The following FAM200B variants were observed in gnomAD, a reference collection of about 807,000 sequenced individuals.
FAM200B encodes the protein protein FAM200B.
In FAM200B, 32 loss-of-function variants were observed where a neutral mutation model predicts 33.1. That is an observed-to-expected ratio of 0.97 (90% confidence interval 0.73 to 1.30). The LOEUF (loss-of-function observed/expected upper bound fraction) is 1.30. Ranked by LOEUF, FAM200B falls within the 50% of genes most tolerant of loss-of-function variation. The pLI, the probability that FAM200B is intolerant of heterozygous loss-of-function variation, is 0.00. For synonymous variants in FAM200B, 240 were observed against 264.8 expected (o/e 0.91, Z 0.91); for missense variants, 741 against 754.0 (o/e 0.98, Z 0.20).
At chr4:15,670,276 C>G in the FAM200B span, among the ~76,000 whole-genome samples, 4 of 152,144 alleles carry the variant, frequency 2.6e-5, no homozygotes, top group Non-Finnish European at 5.9e-5. Context: ...TGGGTAAATA[C>G]CTAGGAGTAG....
chr4:15,639,855 A>C, the FAM200B span, among the ~76,000 whole-genome samples: 1 of 152,216 alleles, frequency 6.6e-6, no homozygotes, highest in African/African-American at 2.4e-5. Context: ...AGGTGAAGCT[A>C]TAGTTGAGAA....
upstream of FAM200B, among the ~76,000 whole-genome samples, chr4:15,680,618 G>A (rs1560256876): frequency 6.6e-6 from 1 of 152,114 alleles, no homozygotes; most frequent in Admixed American, 6.5e-5. Context: ...TGAGGTTGCA[G>A]TGAGCCGAGG....
chr4:15,640,736 AG>A, the FAM200B span: 2 of 987,378 alleles, frequency 2.0e-6, no homozygotes, highest in East Asian at 5.4e-5. Context: ...AAAGCAAAAT[AG>A]TATTTTAAGA....
chr4:15,648,955 C>T, the FAM200B span, among the ~76,000 whole-genome samples: 1 of 152,022 alleles, frequency 6.6e-6, no homozygotes, highest in Non-Finnish European at 1.5e-5. Flanking sequence ...TATATCAAAG[C>T]ATTGCATTGT....
At chr4:15,685,110 A>G (rs1022574165) in intron 1 of FAM200B, among the ~76,000 whole-genome samples, 1 of 152,374 alleles carries the variant, frequency 6.6e-6, no homozygotes, top group East Asian at 1.9e-4. Flanking sequence ...GGGCCAAACT[A>G]TACAACTTTG....
the FAM200B span, among the ~76,000 whole-genome samples, chr4:15,653,247 T>C: frequency 2.6e-5 from 4 of 152,240 alleles, no homozygotes; most frequent in African/African-American, 9.6e-5. Context: ...CATGTCAAAT[T>C]GAAAATGCTT....
At chr4:15,662,728 CT>C in the FAM200B span, among the ~76,000 whole-genome samples, 1 of 152,130 alleles carries the variant, frequency 6.6e-6, no homozygotes, top group African/African-American at 2.4e-5. Flanking sequence ...AATCCATTAT[CT>C]TTATGTAATC....
chr4:15,665,583 C>T, the FAM200B span, among the ~76,000 whole-genome samples: 3 of 152,176 alleles, frequency 2.0e-5, no homozygotes, highest in South Asian at 6.2e-4. Flanking sequence ...ATTTGTTTCA[C>T]TCTTTCCCAC....
the FAM200B span, among the ~76,000 whole-genome samples, chr4:15,674,435 C>T: frequency 6.6e-6 from 1 of 152,002 alleles, no homozygotes; most frequent in East Asian, 1.9e-4. Context: ...ACACTCATCA[C>T]TTTAAATAAA....
chr4:15,645,192 T>C, the FAM200B span, among the ~76,000 whole-genome samples: 1 of 152,044 alleles, frequency 6.6e-6, no homozygotes, highest in South Asian at 2.1e-4. Context: ...GCTGTCTTAT[T>C]GCCTATTATC....
rs1468075506 is a variant in FAM200B, at chr4:15,687,026, A to G, written c.49A>G (p.Thr17Ala). 2.0e-5 allele frequency: 30 copies of G among 1,509,466 alleles called. No homozygotes were observed. Among genetic ancestry groups the G allele is most frequent in the Non-Finnish European group, 2.7e-5 (30 of 1,119,626 alleles). The allele number at this position is 1,509,466 out of a possible 1,614,324, so 93.5% of individuals were successfully genotyped here. A position where few individuals can be genotyped will look rare whatever the true frequency, so the allele number is the denominator to read the frequency against. The change falls in exon 2 of 2, where the codon ACA (threonine) becomes GCA (alanine). Residue 17 changes from threonine to alanine, a missense_variant. By Grantham distance (58) the Thr-to-Ala change is moderately conservative. Coordinates refer to ENST00000422728, the MANE Select transcript of FAM200B (RefSeq NM_001145191.2). ...AAAGAGGAATAGTGAAGTGAAATAT[A>G]CAGAAGCATGTTCAAGTTCATCTGT... ...KRKRNSEVKYTEACSSSSVES... is the reference protein window; with the variant it reads ...KRKRNSEVKYAEACSSSSVES...
In FAM200B at chr4:15,690,265, TC is replaced by T. The variant is rs1719270796; in HGVS notation, c.*1317del. ...TTTCAACTTCTGCCTTTCTGTGTAC[TC>T]CCTTATCCCACTGGGTGATATTATT... On this transcript the variant is annotated 3_prime_UTR_variant, in exon 2 of 2. Transcript: ENST00000422728. 6.0e-6 allele frequency: 1 copy of T among 167,106 alleles called. No individual in the cohort carries two copies. Among genetic ancestry groups the T allele is most frequent in the South Asian group, 2.1e-4 (1 of 4,832 alleles). 10.4% of individuals were successfully genotyped at this position (167,106 alleles called of 1,614,324 possible). A position where few individuals can be genotyped will look rare whatever the true frequency, so the allele number is the denominator to read the frequency against.
chr4:15,676,893 C>A (rs940780860), upstream of FAM200B, among the ~76,000 whole-genome samples: 4 of 152,054 alleles, frequency 2.6e-5, no homozygotes, highest in African/African-American at 9.7e-5. Flanking sequence ...AAGCTAAGAA[C>A]AAAATCTTAA....
chr4:15,670,826 A>G, the FAM200B span, among the ~76,000 whole-genome samples: 3 of 151,724 alleles, frequency 2.0e-5, no homozygotes, highest in Non-Finnish European at 4.4e-5. Context: ...CATTTCTGGT[A>G]CAACGGATCT....
the FAM200B span, among the ~76,000 whole-genome samples, chr4:15,671,513 ATCC>A: frequency 1.3e-5 from 2 of 152,010 alleles, no homozygotes; most frequent in African/African-American, 4.8e-5. Context: ...CCTCAAAGCA[ATCC>A]TCCTGCCTCA....
the FAM200B span, among the ~76,000 whole-genome samples, chr4:15,650,494 G>A: frequency 3.3e-5 from 5 of 152,148 alleles, no homozygotes; most frequent in East Asian, 9.6e-4. Context: ...ACATTTTGAA[G>A]AGCACTCTTC....
At chr4:15,656,183 C>T in the FAM200B span, 1 of 456,164 alleles carries the variant, frequency 2.2e-6, no homozygotes, top group Non-Finnish European at 4.4e-6. Context: ...TGGTACAAAT[C>T]CCGCCATTTT....
chr4:15,677,649 C>T (rs1718044401), upstream of FAM200B, among the ~76,000 whole-genome samples: 1 of 152,178 alleles, frequency 6.6e-6, no homozygotes, highest in Admixed American at 6.5e-5. Context: ...GAGGGTGGCA[C>T]AGAGAGGGCA....
At chr4:15,656,222 C>T in the FAM200B span, 10 of 456,144 alleles carry the variant, frequency 2.2e-5, no homozygotes, top group East Asian at 4.9e-4. Flanking sequence ...AAAACAAGGT[C>T]ACTAACCCAG....
Sources: gnomAD v4.1 joint callset for allele counts (sites outside exome capture counted in the v4.1 genomes callset) on GRCh38, gnomAD v4.1.1 for gene constraint, MANE v1.5 for transcripts, NCBI Gene and HGNC (gene_info 2026-07-23, HGNC 2026-07-21) for gene names.